KSR2: variants seen among roughly 807,000 people sequenced by gnomAD.
KSR2 encodes the protein kinase suppressor of ras 2.
Under a neutral mutation model 107.8 loss-of-function variants are expected in KSR2, and 25 were observed. The ratio of observed to expected loss-of-function variants is 0.23; its 90% CI spans 0.17 to 0.32. The LOEUF is 0.32. Among genes scored for constraint, KSR2 ranks in the 10% least tolerant of loss-of-function variants. The pLI is 1.00. For synonymous variants in KSR2, 480 were observed against 507.0 expected (o/e 0.95, Z 0.71); for missense variants, 887 against 1,268.9 (o/e 0.70, Z 4.57).
chr12:117,700,764 T>C (rs1174874646), intron 4 of KSR2, among the ~76,000 whole-genome samples: 5 of 152,232 alleles, frequency 3.3e-5, no homozygotes, highest in Admixed American at 2.0e-4. Flanking sequence ...CAAATGTCAG[T>C]ATCTCTCAGA....
rs139068091 is a variant in KSR2 at position 117,885,143 on chromosome 12, A to G, written c.181-24712T>C. Among the ~76,000 whole-genome samples the G allele has an allele frequency of 3.7e-3, 563 of 152,258 alleles. 2 individuals carry two copies. Among genetic ancestry groups the G allele is most frequent in the African/African-American group, 0.012 (508 of 41,550 alleles). On this transcript the variant is annotated intron_variant, in intron 1 of 19. Transcript: ENST00000339824. ...GATGAAGCTCTGAGAGGCTTCTGAG[A>G]GGCTCTGAGAGGCTAAGTGACCCCT...
intron 1 of KSR2, among the ~76,000 whole-genome samples, chr12:117,929,246 C>T (rs1304794497): frequency 1.3e-5 from 2 of 152,216 alleles, no homozygotes; most frequent in Non-Finnish European, 1.5e-5. Flanking sequence ...TGTGTCCCCA[C>T]CCAAATTTCA....
chr12:117,583,405 GTGGATGGATGGATGGA>G (rs369518226), intron 5 of KSR2, among the ~76,000 whole-genome samples: 2,676 of 127,128 alleles, frequency 0.021, 90 homozygotes, highest in African/African-American at 0.076. Context: ...GGGTGAGTGA[GTGGATGGATGGATGGA>G]TGGATGGATG....
chr12:117,950,752 T>C (rs200804258), intron 1 of KSR2, among the ~76,000 whole-genome samples: 1 of 132,966 alleles, frequency 7.5e-6, no homozygotes, highest in Non-Finnish European at 1.5e-5. Context: ...AAAAAAAAAA[T>C]AATAATAATA....
chr12:117,555,746 T>G (rs980178858), intron 8 of KSR2, among the ~76,000 whole-genome samples: 6 of 152,180 alleles, frequency 3.9e-5, no homozygotes, highest in Non-Finnish European at 8.8e-5. Context: ...AAACACTTTG[T>G]CCTAAACAAC....
At chr12:117,784,203 C>T (rs983685658) in intron 3 of KSR2, among the ~76,000 whole-genome samples, 2 of 152,082 alleles carry the variant, frequency 1.3e-5, no homozygotes. Flanking sequence ...TTGTCATAAT[C>T]CCTACATGTC....
At chr12:117,771,667 C>G (rs1566006003) in intron 3 of KSR2, among the ~76,000 whole-genome samples, 1 of 152,152 alleles carries the variant, frequency 6.6e-6, no homozygotes, top group Admixed American at 6.5e-5. Context: ...CTGTTATCCC[C>G]ATCCTACTGA....
At chr12:117,821,331 C>T (rs1199707691) in intron 3 of KSR2, among the ~76,000 whole-genome samples, 1 of 152,136 alleles carries the variant, frequency 6.6e-6, no homozygotes, top group Non-Finnish European at 1.5e-5. Context: ...GATGGCTAAA[C>T]CAACCCCTCC....
At chr12:117,761,576 G>A in intron 3 of KSR2, 52 bp from the exon 4 acceptor site, 2 of 1,574,534 alleles carry the variant, frequency 1.3e-6, no homozygotes, top group Non-Finnish European at 8.7e-7. Flanking sequence ...AGAAAGCCAG[G>A]TGAGTTACAC....
chr12:117,748,902 A>C (rs549617439), intron 4 of KSR2, among the ~76,000 whole-genome samples: 2 of 152,098 alleles, frequency 1.3e-5, no homozygotes, highest in East Asian at 3.9e-4. Context: ...AACATAGCCC[A>C]TAAAGGGTGT....
chr12:117,759,301 G>A (rs528509616), intron 4 of KSR2, among the ~76,000 whole-genome samples: 69 of 152,210 alleles, frequency 4.5e-4, no homozygotes, highest in Middle Eastern at 3.4e-3. Flanking sequence ...TTGGAACACT[G>A]CCATGCCCAT....
At chr12:117,721,021 G>T (rs1223022548) in intron 4 of KSR2, among the ~76,000 whole-genome samples, 8 of 152,206 alleles carry the variant, frequency 5.3e-5, no homozygotes, top group Admixed American at 4.6e-4. Flanking sequence ...CCTGTAATTT[G>T]TAAGGGGAGG....
At chr12:117,955,852 G>A (rs551886874) in intron 1 of KSR2, among the ~76,000 whole-genome samples, 1 of 112,128 alleles carries the variant, frequency 8.9e-6, no homozygotes, top group South Asian at 3.1e-4. Flanking sequence ...TAGCCTCAGG[G>A]GGTAAAAAAA....
intron 3 of KSR2, among the ~76,000 whole-genome samples, chr12:117,793,665 TACA>T (rs1250407324): frequency 1.6e-5 from 2 of 124,152 alleles, no homozygotes; most frequent in East Asian, 2.8e-4. Flanking sequence ...TATGCACACA[TACA>T]ACATGCACAC....
intron 1 of KSR2, among the ~76,000 whole-genome samples, chr12:117,947,371 C>A (rs1896233601): frequency 6.6e-6 from 1 of 151,900 alleles, no homozygotes; most frequent in African/African-American, 2.4e-5. Flanking sequence ...AACTTCTTAA[C>A]CTTATAGAGA....
chr12:117,757,588 T>A (rs1051385552), intron 4 of KSR2, among the ~76,000 whole-genome samples: 1 of 152,214 alleles, frequency 6.6e-6, no homozygotes, highest in Non-Finnish European at 1.5e-5. Context: ...ACTGCATTGT[T>A]GTATTTTAAG....
At chr12:117,794,832 GA>G (rs1319752272) in intron 3 of KSR2, among the ~76,000 whole-genome samples, 1 of 117,422 alleles carries the variant, frequency 8.5e-6, no homozygotes, top group Non-Finnish European at 1.7e-5. Context: ...TCAAGGGGGA[GA>G]AAAGCCTCGC....
chr12:117,555,901 C>CA (rs1877658619), intron 8 of KSR2, among the ~76,000 whole-genome samples: 1 of 152,112 alleles, frequency 6.6e-6, no homozygotes, highest in Non-Finnish European at 1.5e-5. Context: ...CAGCAAGGGG[C>CA]AAAAATGAGA....
At chr12:117,806,031 C>T (rs191373751) in intron 3 of KSR2, among the ~76,000 whole-genome samples, 1 of 152,154 alleles carries the variant, frequency 6.6e-6, no homozygotes, top group East Asian at 1.9e-4. Context: ...GGTTCCATGC[C>T]CAATCCCAGA....
Sources: gnomAD v4.1 joint callset for allele counts (sites outside exome capture counted in the v4.1 genomes callset) on GRCh38, gnomAD v4.1.1 for gene constraint, MANE v1.5 for transcripts, NCBI Gene and HGNC (gene_info 2026-07-23, HGNC 2026-07-21) for gene names.